The following SLC2A13 variants were observed in gnomAD, a reference collection of about 807,000 sequenced individuals.
The protein encoded by SLC2A13 is solute carrier family 2 member 13, also known as proton myo-inositol cotransporter.
In SLC2A13, 32 loss-of-function variants were observed where a neutral mutation model predicts 64.4. The observed-to-expected ratio is 0.50, with a 90% CI of 0.37 to 0.67. The LOEUF (loss-of-function observed/expected upper bound fraction) is 0.67, where lower values mean the gene tolerates loss of function less well. Ranked by LOEUF, SLC2A13 falls within the 30% of genes least tolerant of loss-of-function variation. The pLI is 0.00. For missense variants in SLC2A13, 743 were observed against 829.2 expected (o/e 0.90, Z 1.28); for synonymous variants, 338 against 327.1 (o/e 1.03, Z -0.36).
intron 4 of SLC2A13, among the ~76,000 whole-genome samples, chr12:39,905,210 G>T (rs1945236907): frequency 6.6e-6 from 1 of 152,112 alleles, no homozygotes; most frequent in Non-Finnish European, 1.5e-5. Context: ...CTGTACTAAA[G>T]AAAAGTGATG....
intron 4 of SLC2A13, among the ~76,000 whole-genome samples, chr12:39,925,030 ATT>A (rs58902176): frequency 0.18 from 20,916 of 118,560 alleles, 1,384 homozygotes; most frequent in East Asian, 0.28. Flanking sequence ...CATACAGATA[ATT>A]TTTTTTTTTT....
chr12:39,826,864 T>TTTC (rs1555241787), intron 7 of SLC2A13, among the ~76,000 whole-genome samples: 1 of 143,508 alleles, frequency 7.0e-6, no homozygotes, highest in Non-Finnish European at 1.5e-5. Flanking sequence ...ATTTTTTTTT[T>TTTC]TTTTTTTTGC....
intron 6 of SLC2A13, among the ~76,000 whole-genome samples, chr12:39,848,981 T>C (rs1448558051): frequency 1.3e-5 from 2 of 151,946 alleles, no homozygotes; most frequent in Non-Finnish European, 1.5e-5. Flanking sequence ...TAAGAACTTA[T>C]GAACACAAAG....
At chr12:39,812,739 T>G (rs1344806419) in intron 7 of SLC2A13, among the ~76,000 whole-genome samples, 1 of 150,824 alleles carries the variant, frequency 6.6e-6, no homozygotes, top group African/African-American at 2.4e-5. Context: ...CCCAAACTGC[T>G]GGGATTACGG....
chr12:40,050,724 A>G (rs1313799485), intron 1 of SLC2A13, among the ~76,000 whole-genome samples: 1 of 152,182 alleles, frequency 6.6e-6, no homozygotes, highest in Non-Finnish European at 1.5e-5. Context: ...TCTAAAACCC[A>G]ATTTTGATGG....
At chr12:39,902,923 C>T (rs1347174145) in intron 4 of SLC2A13, among the ~76,000 whole-genome samples, 2 of 152,060 alleles carry the variant, frequency 1.3e-5, no homozygotes, top group Non-Finnish European at 2.9e-5. Flanking sequence ...ATCTTATTCC[C>T]TGTTGAGTTG....
chr12:39,902,570 C>G (rs1189739407), intron 4 of SLC2A13, among the ~76,000 whole-genome samples: 1 of 151,854 alleles, frequency 6.6e-6, no homozygotes, highest in Admixed American at 6.6e-5. Flanking sequence ...AATAAAATCA[C>G]AAATGAGAAG....
intron 1 of SLC2A13, among the ~76,000 whole-genome samples, chr12:40,059,298 T>C (rs975040828): frequency 1.3e-5 from 2 of 152,190 alleles, no homozygotes; most frequent in South Asian, 4.1e-4. Context: ...CAATACCCTA[T>C]GCCAGAGGAG....
chr12:39,932,322 A>C (rs184596983), intron 4 of SLC2A13, among the ~76,000 whole-genome samples: 2 of 152,362 alleles, frequency 1.3e-5, no homozygotes, highest in East Asian at 3.8e-4. Flanking sequence ...AGCAATATGA[A>C]TAAATGATCC....
At chr12:40,014,852 A>T (rs942581540) in intron 3 of SLC2A13, among the ~76,000 whole-genome samples, 3 of 152,236 alleles carry the variant, frequency 2.0e-5, no homozygotes, top group Non-Finnish European at 2.9e-5. Context: ...GTAATGCTAT[A>T]TTAGATCCAG....
chr12:39,872,128 A>ATCACAATATAT (rs1944073366), intron 4 of SLC2A13, among the ~76,000 whole-genome samples, 167 bp from the exon 5 acceptor site: 1 of 152,218 alleles, frequency 6.6e-6, no homozygotes, highest in Non-Finnish European at 1.5e-5. Flanking sequence ...ATCACAATAT[A>ATCACAATATAT]AAGACTATGT....
intron 6 of SLC2A13, among the ~76,000 whole-genome samples, chr12:39,862,538 A>T (rs1035208008): frequency 4.6e-5 from 7 of 152,224 alleles, no homozygotes; most frequent in African/African-American, 1.7e-4. Flanking sequence ...TAAGATATTA[A>T]ACTACTTCTC....
At chr12:39,976,009 C>G (rs1203832150) in intron 3 of SLC2A13, among the ~76,000 whole-genome samples, 2 of 152,186 alleles carry the variant, frequency 1.3e-5, no homozygotes, top group Non-Finnish European at 2.9e-5. Flanking sequence ...ACAGTGACAT[C>G]ACAATCAGAT....
chr12:39,884,517 C>T (rs80179648), intron 4 of SLC2A13, among the ~76,000 whole-genome samples: 3,045 of 152,244 alleles, frequency 0.02, 37 homozygotes, highest in Non-Finnish European at 0.032. Flanking sequence ...ATAAGTACAT[C>T]ATGGCCAAAT....
rs199773495 is a variant in SLC2A13 at position 39,877,395 on chromosome 12, A to AC, written c.1035-5435dup. On this transcript the variant is annotated intron_variant, in intron 4 of 9. Coordinates refer to ENST00000280871, the MANE Select transcript of SLC2A13 (RefSeq NM_052885.4). ...TCCTTATCACAAGAACAGAATTGGA[A>AC]CCCCCCCTCCATGATTCAATTACCT... is the stretch of plus-strand genomic sequence containing the variant. 7.4e-3 allele frequency among the ~76,000 whole-genome samples: 1,123 copies of AC among 151,860 alleles called. 10 individuals are homozygous for AC. The highest frequency in any genetic ancestry group is 0.026 in the African/African-American group (1,066 of 41,406).
chr12:39,841,867 C>A (rs1386548570), intron 6 of SLC2A13, among the ~76,000 whole-genome samples: 1 of 151,922 alleles, frequency 6.6e-6, no homozygotes, highest in Admixed American at 6.6e-5. Flanking sequence ...CCAAGTAAGT[C>A]GACTAGTATT....
chr12:39,992,730 T>C (rs1191491511), intron 3 of SLC2A13, among the ~76,000 whole-genome samples: 1 of 152,168 alleles, frequency 6.6e-6, no homozygotes, highest in Non-Finnish European at 1.5e-5. Flanking sequence ...TATGTCATTA[T>C]AGTTTACATT....
intron 1 of SLC2A13, among the ~76,000 whole-genome samples, chr12:40,101,665 C>G (rs1313209750): frequency 2.0e-5 from 3 of 152,116 alleles, no homozygotes; most frequent in African/African-American, 4.8e-5. Context: ...CCATATTCAG[C>G]CTAATCCCCC....
chr12:39,826,853 A>ATTTT (rs1592176208), intron 7 of SLC2A13, among the ~76,000 whole-genome samples: 1 of 19,962 alleles, frequency 5.0e-5, no homozygotes, highest in African/African-American at 2.0e-4. Context: ...AGTCTCTTTC[A>ATTTT]ATTTTTTTTT....
Sources: gnomAD v4.1 joint callset for allele counts (sites outside exome capture counted in the v4.1 genomes callset) on GRCh38, gnomAD v4.1.1 for gene constraint, MANE v1.5 for transcripts, NCBI Gene and HGNC (gene_info 2026-07-23, HGNC 2026-07-21) for gene names.